Variants in GLYATL2 observed in about 807,000 individuals in gnomAD.
GLYATL2 encodes glycine-N-acyltransferase like 2.
In GLYATL2, 25 loss-of-function variants were observed where a neutral mutation model predicts 21.4. That is an observed-to-expected ratio of 1.17 (90% CI 0.85 to 1.63). The LOEUF (loss-of-function observed/expected upper bound fraction) is 1.63, where lower values mean the gene tolerates loss of function less well. Ranked by LOEUF, GLYATL2 falls within the 40% of genes most tolerant of loss-of-function variation. The probability of loss-of-function intolerance (pLI) is 0.00; values close to 1 mark genes in which losing one functional copy is unlikely to be tolerated. For synonymous variants in GLYATL2, 114 were observed against 118.2 expected (o/e 0.96, Z 0.23); for missense variants, 361 against 343.3 (o/e 1.05, Z -0.41).
At chr11:58,838,397 G>T in intron 2 of GLYATL2, 29 bp from the exon 3 acceptor site, 1 of 1,379,408 alleles carries the variant, frequency 7.2e-7, no homozygotes, top group Non-Finnish European at 1.0e-6. Flanking sequence ...AAGCAGGAGA[G>T]GATGAAGTTC....
rs374153399 is a variant in GLYATL2 at position 58,867,196 on chromosome 11, T to C, written n.61-28828A>G. On this transcript the variant is annotated intron_variant and non_coding_transcript_variant, in intron 1 of 4. Transcript: ENST00000533636. Reference sequence around the variant, plus strand: ...TATGAAGTATGCCAACACATAAAGATAGGCCAACACATAGATAATATAATA... The same window carrying C: ...TATGAAGTATGCCAACACATAAAGACAGGCCAACACATAGATAATATAATA... Among the ~76,000 whole-genome samples, 12 of 148,978 alleles carry C rather than the reference T, an allele frequency of 8.1e-5. 1 individual carries two copies. The highest frequency in any genetic ancestry group is 2.9e-4 in the African/African-American group (12 of 41,326).
chr11:58,875,414 G>T (rs184927791), intron 1 of GLYATL2, among the ~76,000 whole-genome samples: 90 of 152,270 alleles, frequency 5.9e-4, no homozygotes, highest in African/African-American at 2.0e-3. Flanking sequence ...GCATATTTTT[G>T]CAGTGGCTGG....
rs566271271 is a variant in GLYATL2, at chr11:58,834,174, A to G, written c.*255T>C. 6 of 323,980 alleles carry G rather than the reference A, an allele frequency of 1.9e-5. No individual in the cohort carries two copies. The highest frequency in any genetic ancestry group is 3.3e-5 in the Non-Finnish European group (6 of 179,536). 20.1% of individuals were successfully genotyped at this position (323,980 alleles called of 1,614,324 possible). A position where few individuals can be genotyped will look rare whatever the true frequency, so the allele number is the denominator to read the frequency against. ...GTTGCCGTTAAAGGGTTATCTTGGC[A>G]CTAATGATTGGCTTTGGGTGATTTT... On this transcript the variant is annotated 3_prime_UTR_variant, in exon 6 of 6. Transcript: ENST00000287275.
chr11:58,874,755 T>A (rs191622709), intron 1 of GLYATL2, among the ~76,000 whole-genome samples: 2 of 152,210 alleles, frequency 1.3e-5, no homozygotes, highest in African/African-American at 4.8e-5. Context: ...CTGAAAAGAA[T>A]GTATATTCTG....
At chr11:58,870,722 C>G (rs866326479) in intron 1 of GLYATL2, among the ~76,000 whole-genome samples, 13 of 152,312 alleles carry the variant, frequency 8.5e-5, no homozygotes, top group Middle Eastern at 3.4e-3. Context: ...CCTTGCTCCA[C>G]AAGTCCTACA....
intron 1 of GLYATL2, among the ~76,000 whole-genome samples, chr11:58,886,216 T>TA (rs999157887): frequency 9.9e-5 from 15 of 151,372 alleles, no homozygotes; most frequent in East Asian, 3.9e-4. Flanking sequence ...GATCCTGTCT[T>TA]AAAAAAAAAT....
At chr11:58,840,402 G>C (rs1218931239) in intron 1 of GLYATL2, among the ~76,000 whole-genome samples, 1 of 152,058 alleles carries the variant, frequency 6.6e-6, no homozygotes, top group Non-Finnish European at 1.5e-5. Flanking sequence ...TCATTATGAA[G>C]AAATGATCAA....
At chr11:58,846,401 T>C (rs1050499516), upstream of GLYATL2, among the ~76,000 whole-genome samples, 2 of 152,146 alleles carry the variant, frequency 1.3e-5, no homozygotes, top group African/African-American at 2.4e-5. Flanking sequence ...TACCTGGTTT[T>C]GACTTCATAT....
intron 1 of GLYATL2, among the ~76,000 whole-genome samples, chr11:58,894,068 A>T (rs1943302): frequency 0.87 from 132,212 of 152,150 alleles, 58,742 homozygotes; most frequent in Non-Finnish European, 0.96. Context: ...TATGGAAATG[A>T]CACTTGTTGT....
chr11:58,837,403 A>G lies in GLYATL2; in HGVS notation c.187-6T>C, dbSNP rs781176445. The G allele has an allele frequency of 1.9e-6, 3 of 1,610,796 alleles. No individual in the cohort carries two copies. Among genetic ancestry groups the G allele is most frequent in the Non-Finnish European group, 2.5e-6 (3 of 1,177,390 alleles). ...TCCTGGTCATCTTTCATCTCCTGAT[A>G]TAACAAATATCAATTATATTTACAT... On this transcript the variant is annotated splice_polypyrimidine_tract_variant and splice_region_variant and intron_variant, in intron 3 of 5. Coordinates refer to ENST00000287275, the MANE Select transcript of GLYATL2 (RefSeq NM_145016.4).
intron 1 of GLYATL2, among the ~76,000 whole-genome samples, chr11:58,894,053 TCTG>T (rs769825947): frequency 8.5e-5 from 13 of 152,238 alleles, no homozygotes; most frequent in Non-Finnish European, 1.9e-4. Context: ...CCTTGTGGCC[TCTG>T]CTATGGAAAT....
chr11:58,908,363 G>C (rs940404140), upstream of GLYATL2: 1 of 152,964 alleles, frequency 6.5e-6, no homozygotes, highest in African/African-American at 2.4e-5. Context: ...CATAGATCTT[G>C]TTTTTTTGTT....
At chr11:58,864,903 C>T (rs1470041627) in intron 1 of GLYATL2, among the ~76,000 whole-genome samples, 3 of 148,704 alleles carry the variant, frequency 2.0e-5, no homozygotes, top group South Asian at 4.3e-4. Flanking sequence ...AGGCAGTACT[C>T]CTGCTAATTT....
At chr11:58,858,941 A>G (rs1853882413) in intron 1 of GLYATL2, among the ~76,000 whole-genome samples, 2 of 152,056 alleles carry the variant, frequency 1.3e-5, no homozygotes, top group African/African-American at 2.4e-5. Context: ...TTCTTGCTAT[A>G]CTTTCCTTCT....
chr11:58,839,497 A>C, intron 2 of GLYATL2, 38 bp downstream of exon 2: 1 of 1,339,210 alleles, frequency 7.5e-7, no homozygotes, highest in Non-Finnish European at 1.1e-6. Context: ...CTCTCAACTC[A>C]ACCCTCTCTC....
chr11:58,891,480 G>A (rs1030541190), intron 1 of GLYATL2, among the ~76,000 whole-genome samples: 2 of 152,138 alleles, frequency 1.3e-5, no homozygotes, highest in Non-Finnish European at 2.9e-5. Context: ...CTTGGGAAAA[G>A]GCAATGTCTC....
chr11:58,901,169 G>C (rs916460096), intron 1 of GLYATL2, among the ~76,000 whole-genome samples: 24 of 152,198 alleles, frequency 1.6e-4, no homozygotes, highest in African/African-American at 5.3e-4. Flanking sequence ...GACGCCCTGG[G>C]AGGGTCACAG....
At chr11:58,892,970 A>T (rs569478239) in intron 1 of GLYATL2, 2 of 304,366 alleles carry the variant, frequency 6.6e-6, no homozygotes, top group Non-Finnish European at 1.3e-5. Flanking sequence ...CAATGGTCAA[A>T]ATACGCAACT....
At chr11:58,847,825 A>C (rs1239060186), upstream of GLYATL2, among the ~76,000 whole-genome samples, 1 of 152,044 alleles carries the variant, frequency 6.6e-6, no homozygotes, top group Non-Finnish European at 1.5e-5. Flanking sequence ...AGAGTTCCAG[A>C]GCCTTAAGTG....
Sources: gnomAD v4.1 joint callset for allele counts (sites outside exome capture counted in the v4.1 genomes callset) on GRCh38, gnomAD v4.1.1 for gene constraint, MANE v1.5 for transcripts, NCBI Gene and HGNC (gene_info 2026-07-23, HGNC 2026-07-21) for gene names.